EDIL3: variants seen among roughly 807,000 people sequenced by gnomAD.
EDIL3 encodes EGF-like repeat and discoidin I-like domain-containing protein 3.
Under a neutral mutation model 67.4 loss-of-function variants are expected in EDIL3, and 37 were observed. The ratio of observed to expected loss-of-function variants is 0.55; its 90% confidence interval spans 0.42 to 0.72. The LOEUF (loss-of-function observed/expected upper bound fraction) is 0.72, where lower values mean the gene tolerates loss of function less well. Ranked by LOEUF, EDIL3 falls within the 30% of genes least tolerant of loss-of-function variation. EDIL3 has a pLI of 0.00. For synonymous variants in EDIL3, 195 were observed against 196.3 expected (o/e 0.99, Z 0.05); for missense variants, 527 against 586.3 (o/e 0.90, Z 1.04).
chr5:84,359,744 G>T (rs1747560244), intron 1 of EDIL3, among the ~76,000 whole-genome samples: 1 of 152,130 alleles, frequency 6.6e-6, no homozygotes, highest in Admixed American at 6.5e-5. Context: ...CTGAAAAGTA[G>T]AAAGACTAAC....
intron 4 of EDIL3, among the ~76,000 whole-genome samples, chr5:84,162,734 CA>C (rs1748636290): frequency 6.6e-6 from 1 of 152,052 alleles, no homozygotes; most frequent in African/African-American, 2.4e-5. Flanking sequence ...ACATCTGGCC[CA>C]CAGGAAATCC....
intron 4 of EDIL3, among the ~76,000 whole-genome samples, chr5:84,143,831 G>A (rs754893620): frequency 6.6e-6 from 1 of 151,870 alleles, no homozygotes; most frequent in Non-Finnish European, 1.5e-5. Flanking sequence ...CCACAACAAG[G>A]GATGTTACCT....
At chr5:84,347,134 G>C (rs773245265) in intron 1 of EDIL3, among the ~76,000 whole-genome samples, 1 of 152,162 alleles carries the variant, frequency 6.6e-6, no homozygotes, top group Non-Finnish European at 1.5e-5. Context: ...TAGGAGGCCA[G>C]AGATAGTAAC....
intron 3 of EDIL3, among the ~76,000 whole-genome samples, chr5:84,226,786 A>G (rs1744460738): frequency 6.6e-6 from 1 of 151,966 alleles, no homozygotes; most frequent in Non-Finnish European, 1.5e-5. Flanking sequence ...ATCTGCTCAT[A>G]TCTAGAAATG....
chr5:84,250,980 A>G (rs1269388235), intron 2 of EDIL3, among the ~76,000 whole-genome samples: 1 of 152,182 alleles, frequency 6.6e-6, no homozygotes, highest in African/African-American at 2.4e-5. Context: ...TATTACCTCA[A>G]AATACCCACA....
intron 4 of EDIL3, among the ~76,000 whole-genome samples, chr5:84,162,119 A>G (rs1446780686): frequency 6.6e-6 from 1 of 152,100 alleles, no homozygotes; most frequent in Admixed American, 6.6e-5. Flanking sequence ...GATATGGAGA[A>G]GGGGCTCACA....
At chr5:84,136,798 A>G (rs533939780) in intron 5 of EDIL3, among the ~76,000 whole-genome samples, 15 of 152,152 alleles carry the variant, frequency 9.9e-5, no homozygotes, top group Middle Eastern at 6.8e-3. Context: ...AAGTGCTGGG[A>G]TTACAGGCAT....
At chr5:84,176,198 A>AAT (rs561062432) in intron 4 of EDIL3, among the ~76,000 whole-genome samples, 2,582 of 76,980 alleles carry the variant, frequency 0.034, 25 homozygotes, top group Non-Finnish European at 0.049. Flanking sequence ...ATATATATAT[A>AAT]ATATATATAT....
At chr5:84,061,592 C>G (rs1746542190) in intron 8 of EDIL3, among the ~76,000 whole-genome samples, 1 of 152,148 alleles carries the variant, frequency 6.6e-6, no homozygotes, top group Non-Finnish European at 1.5e-5. Context: ...CATTTCCCAG[C>G]TGTGTAGCCT....
intron 4 of EDIL3, among the ~76,000 whole-genome samples, chr5:84,176,196 ATAATATATATATATAT>A (rs1317929799): frequency 3.5e-5 from 1 of 28,928 alleles, no homozygotes; most frequent in African/African-American, 1.8e-4. Context: ...ATATATATAT[ATAATATATATATATAT>A]ATATATATAT....
intron 1 of EDIL3, among the ~76,000 whole-genome samples, chr5:84,353,680 C>A (rs1747411452): frequency 6.6e-6 from 1 of 152,166 alleles, no homozygotes; most frequent in Admixed American, 6.5e-5. Flanking sequence ...TGTACAATAA[C>A]ATATTTTCCA....
intron 8 of EDIL3, among the ~76,000 whole-genome samples, chr5:84,060,722 A>G (rs947920772): frequency 1.3e-5 from 2 of 152,192 alleles, no homozygotes; most frequent in Non-Finnish European, 2.9e-5. Flanking sequence ...TGAAAACAAG[A>G]CAGACAATTT....
At chr5:84,152,754 C>A (rs1416739637) in intron 4 of EDIL3, among the ~76,000 whole-genome samples, 1 of 152,128 alleles carries the variant, frequency 6.6e-6, no homozygotes, top group African/African-American at 2.4e-5. Flanking sequence ...ATTAAATAAG[C>A]TACAGAGTTA....
At chr5:84,307,994 G>C (rs1025510655) in intron 1 of EDIL3, among the ~76,000 whole-genome samples, 2 of 152,132 alleles carry the variant, frequency 1.3e-5, no homozygotes, top group East Asian at 3.9e-4. Flanking sequence ...TAAAAAATCT[G>C]AAGCAATCAT....
At chr5:84,263,531 G>A (rs768042209) in intron 1 of EDIL3, among the ~76,000 whole-genome samples, 1 of 152,102 alleles carries the variant, frequency 6.6e-6, no homozygotes, top group African/African-American at 2.4e-5. Flanking sequence ...AAAATCGCAC[G>A]GGGCAGAGTT....
At chr5:83,990,687 C>A (rs996062487) in intron 9 of EDIL3, among the ~76,000 whole-genome samples, 5 of 151,678 alleles carry the variant, frequency 3.3e-5, no homozygotes, top group Non-Finnish European at 7.4e-5. Context: ...TCGAGACCAG[C>A]CTGCCCAACA....
At chr5:84,284,048 C>T (rs1745761167) in intron 1 of EDIL3, among the ~76,000 whole-genome samples, 2 of 152,230 alleles carry the variant, frequency 1.3e-5, no homozygotes, top group African/African-American at 4.8e-5. Flanking sequence ...ATTCTCAACA[C>T]CATCATCGCA....
At chr5:84,342,942 A>T (rs1249224802) in intron 1 of EDIL3, among the ~76,000 whole-genome samples, 1 of 152,084 alleles carries the variant, frequency 6.6e-6, no homozygotes, top group Non-Finnish European at 1.5e-5. Flanking sequence ...ACTTTGTTTC[A>T]GAGACTTTCT....
rs113436250 is a variant in EDIL3, at chr5:84,075,474, C to A, written c.652-8868G>T. ...AATTTGACAGGGGCTTCTTCTTCTT[C>A]TTCTTCTTCTTATTATTTTGAGACG... On this transcript the variant is annotated intron_variant, in intron 6 of 10. Transcript: ENST00000296591. Among the ~76,000 whole-genome samples the A allele has an allele frequency of 9.5e-3, 1,441 of 151,092 alleles. 18 individuals are homozygous for A. Among genetic ancestry groups the A allele is most frequent in the East Asian group, 0.052 (264 of 5,120 alleles).
Sources: allele counts gnomAD v4.1 joint callset (sites outside exome capture counted in the v4.1 genomes callset), GRCh38; gene constraint gnomAD v4.1.1; transcripts MANE v1.5; gene names NCBI Gene and HGNC (gene_info 2026-07-23, HGNC 2026-07-21).